Variants in PRR16 observed in about 807,000 individuals in gnomAD.
The protein encoded by PRR16 is protein Largen.
Under a neutral mutation model 18.2 loss-of-function variants are expected in PRR16, and 6 were observed. The ratio of observed to expected loss-of-function variants is 0.33; its 90% confidence interval spans 0.18 to 0.65. PRR16 has a LOEUF of 0.65. PRR16 is among the 30% of genes least tolerant of loss of function. PRR16 has a pLI of 0.74. For synonymous variants in PRR16, 151 were observed against 147.8 expected (o/e 1.02, Z -0.16); for missense variants, 412 against 376.6 (o/e 1.09, Z -0.78).
chr5:120,681,442 T>C (rs1756971011), intron 1 of PRR16, among the ~76,000 whole-genome samples: 1 of 152,186 alleles, frequency 6.6e-6, no homozygotes, highest in Non-Finnish European at 1.5e-5. Flanking sequence ...CTGATTGTCC[T>C]ACAGACATGT....
chr5:120,752,852 C>T, the PRR16 span, among the ~76,000 whole-genome samples: 1 of 151,368 alleles, frequency 6.6e-6, no homozygotes, highest in African/African-American at 2.4e-5. Context: ...GTTGAAGTTT[C>T]AATAATGTAT....
intron 1 of PRR16, among the ~76,000 whole-genome samples, chr5:120,601,439 G>T (rs192036001): frequency 3.3e-5 from 5 of 151,662 alleles, no homozygotes; most frequent in Admixed American, 6.6e-5. Flanking sequence ...TTAATTTGTT[G>T]AAATTTCTTG....
chr5:120,616,397 A>T (rs1444810858), intron 1 of PRR16, among the ~76,000 whole-genome samples: 1 of 152,174 alleles, frequency 6.6e-6, no homozygotes, highest in Non-Finnish European at 1.5e-5. Flanking sequence ...TATAGTATCA[A>T]CATCAAGAGA....
chr5:120,572,184 G>T (rs1752930147), intron 1 of PRR16, among the ~76,000 whole-genome samples: 1 of 152,040 alleles, frequency 6.6e-6, no homozygotes, highest in African/African-American at 2.4e-5. Context: ...ATATTGTATT[G>T]GTCAAAGCAG....
intron 1 of PRR16, among the ~76,000 whole-genome samples, chr5:120,544,255 G>C (rs894177339): frequency 2.6e-5 from 4 of 152,108 alleles, no homozygotes; most frequent in African/African-American, 7.2e-5. Context: ...CAGATCTTCT[G>C]ACCTTTCAAA....
the PRR16 span, among the ~76,000 whole-genome samples, chr5:120,760,630 T>G: frequency 7.1e-6 from 1 of 140,074 alleles, no homozygotes; most frequent in African/African-American, 2.5e-5. Context: ...TACCTGAGAC[T>G]TTACCTAATA....
At chr5:120,675,198 G>C (rs1244220598) in intron 1 of PRR16, among the ~76,000 whole-genome samples, 2 of 152,174 alleles carry the variant, frequency 1.3e-5, no homozygotes, top group Admixed American at 6.5e-5. Context: ...CAAATGGCTG[G>C]ATGCTGTGAC....
intron 1 of PRR16, among the ~76,000 whole-genome samples, chr5:120,650,564 T>A (rs1476036335): frequency 2.0e-5 from 3 of 149,746 alleles, no homozygotes; most frequent in East Asian, 4.1e-4. Context: ...CACCTATGAG[T>A]GAGAACATGT....
chr5:120,533,934 A>G (rs1229298129), intron 1 of PRR16, among the ~76,000 whole-genome samples: 1 of 152,166 alleles, frequency 6.6e-6, no homozygotes, highest in African/African-American at 2.4e-5. Context: ...AAAGTATAAC[A>G]AGGCTTCCTG....
At chr5:120,635,884 A>C (rs956115768) in intron 1 of PRR16, among the ~76,000 whole-genome samples, 1 of 152,160 alleles carries the variant, frequency 6.6e-6, no homozygotes, top group East Asian at 1.9e-4. Flanking sequence ...AGACTCATCC[A>C]AAAAGCTTCT....
chr5:120,701,689 G>T, the PRR16 span, among the ~76,000 whole-genome samples: 1 of 152,124 alleles, frequency 6.6e-6, no homozygotes, highest in African/African-American at 2.4e-5. Context: ...TGTAGAAAAG[G>T]AAGATTAGAA....
the PRR16 span, among the ~76,000 whole-genome samples, chr5:120,778,050 T>G: frequency 1.3e-5 from 2 of 152,154 alleles, no homozygotes; most frequent in African/African-American, 4.8e-5. Context: ...AATAACACTA[T>G]GTTATTAAAT....
intron 1 of PRR16, among the ~76,000 whole-genome samples, chr5:120,487,370 G>A (rs1749845535): frequency 6.6e-6 from 1 of 152,118 alleles, no homozygotes; most frequent in Admixed American, 6.6e-5. Flanking sequence ...CACATCCCTT[G>A]TAAGTTGGAT....
chr5:120,636,150 A>C (rs980225316), intron 1 of PRR16, among the ~76,000 whole-genome samples: 4 of 152,176 alleles, frequency 2.6e-5, no homozygotes, highest in Admixed American at 2.6e-4. Context: ...ATGAAAACAC[A>C]TACCATACTC....
intron 1 of PRR16, among the ~76,000 whole-genome samples, chr5:120,566,513 T>G (rs10478479): frequency 0.19 from 28,456 of 152,106 alleles, 2,868 homozygotes; most frequent in Non-Finnish European, 0.21. Context: ...AGTCTAGAAT[T>G]TATTGGTCCC....
At chr5:120,497,384 ATTT>A (rs765496177) in intron 1 of PRR16, among the ~76,000 whole-genome samples, 5 of 84,170 alleles carry the variant, frequency 5.9e-5, no homozygotes, top group African/African-American at 1.1e-4. Flanking sequence ...TGATGAACTG[ATTT>A]TTTTTTTTTT....
At chr5:120,635,231 A>T in intron 1 of PRR16, among the ~76,000 whole-genome samples, 1 of 152,256 alleles carries the variant, frequency 6.6e-6, no homozygotes, top group African/African-American at 2.4e-5. Context: ...ATTCCAAAAG[A>T]TAGAGAATGA....
intron 1 of PRR16, among the ~76,000 whole-genome samples, chr5:120,528,574 A>T (rs960690126): frequency 6.6e-6 from 1 of 152,158 alleles, no homozygotes; most frequent in Non-Finnish European, 1.5e-5. Context: ...GAGCTCAGTG[A>T]AGGCATCCAA....
downstream of PRR16, among the ~76,000 whole-genome samples, chr5:120,688,895 C>A (rs1052316345): frequency 6.6e-6 from 1 of 152,142 alleles, no homozygotes; most frequent in Non-Finnish European, 1.5e-5. Context: ...TAGAAACAAT[C>A]TCAGTGTTCC....
Sources: allele counts gnomAD v4.1 joint callset (sites outside exome capture counted in the v4.1 genomes callset), GRCh38; gene constraint gnomAD v4.1.1; transcripts MANE v1.5; gene names NCBI Gene and HGNC (gene_info 2026-07-23, HGNC 2026-07-21).